CPXCR1: variants seen among roughly 807,000 people sequenced by gnomAD.
CPXCR1 encodes the protein CPX chromosome region candidate 1.
CPXCR1 carries 15 observed loss-of-function variants against 13.8 expected under a neutral mutation model. That is an observed-to-expected ratio of 1.09 (90% CI 0.73 to 1.67). The LOEUF is 1.67. Among genes scored for constraint, CPXCR1 ranks in the 40% most tolerant of loss-of-function variants. CPXCR1 has a pLI of 0.00. For synonymous variants in CPXCR1, 70 were observed against 76.7 expected (o/e 0.91, Z 0.46); for missense variants, 247 against 223.6 (o/e 1.10, Z -0.67).
rs756027448 is a variant in CPXCR1, at chrX:88,748,251, T to TTG, written c.-115+898_-115+899dup. Reference sequence around the variant, plus strand: ...TTTCTGTATAACAAACAGTGAAATGTTGTGTGTGTGTGTGTGTATACATAC... The same window carrying TTG: ...TTTCTGTATAACAAACAGTGAAATGTTGTGTGTGTGTGTGTGTGTATACATAC... On this transcript the variant is annotated intron_variant, in intron 1 of 2. Coordinates refer to ENST00000276127, the MANE Select transcript of CPXCR1 (RefSeq NM_033048.6). Among the ~76,000 whole-genome samples the TTG allele has an allele frequency of 4.5e-3, 485 of 108,795 alleles. 1 individual carries two copies. The highest frequency in any genetic ancestry group is 0.013 in the African/African-American group (399 of 30,162). 94.5% of individuals were successfully genotyped at this position (108,795 alleles called of 115,157 possible).
chrX:88,747,917 T>C (rs1299020165), intron 1 of CPXCR1, among the ~76,000 whole-genome samples: 7 of 112,073 alleles, frequency 6.2e-5, no homozygotes, highest in Non-Finnish European at 1.3e-4. Flanking sequence ...ATAAATAGAA[T>C]ACAAATAAAC....
chrX:88,749,856 C>A (rs964588970), intron 2 of CPXCR1, among the ~76,000 whole-genome samples: 3 of 107,624 alleles, frequency 2.8e-5, no homozygotes, highest in East Asian at 5.8e-4. Context: ...GACAAAGATA[C>A]GAGATAAACT....
chrX:88,754,246 T>A lies in CPXCR1; in HGVS notation c.832T>A (p.Cys278Ser). The A allele has an allele frequency of 8.4e-7, 1 of 1,183,727 alleles. No individual in the cohort carries two copies. The highest frequency in any genetic ancestry group is 1.1e-6 in the Non-Finnish European group (1 of 875,949). Residue 278 changes from cysteine (C) to serine (S), a missense_variant, in exon 3 of 3, where the codon TGT (cysteine) becomes AGT (serine). Physicochemically the swap from Cys to Ser is moderately radical, Grantham distance 112 (BLOSUM62 -1). Transcript: ENST00000276127. ...CACCAATAATGGTTGGAAATACTTT[T>A]GTCCCATCTGTGGAAGGCTTTTTAA... Reference protein sequence around the residue: ...TNTNNGWKYFCPICGRLFNTY... With the variant: ...TNTNNGWKYFSPICGRLFNTY...
At chrX:88,747,612 G>A (rs1168556620) in intron 1 of CPXCR1, among the ~76,000 whole-genome samples, 1 of 111,549 alleles carries the variant, frequency 9.0e-6, no homozygotes, top group Non-Finnish European at 1.9e-5. Context: ...TAACAAATTT[G>A]AAAGAAACAG....
rs1925013382 is a variant in CPXCR1, at chrX:88,754,212, G to T, written c.798G>T (p.Met266Ile). 1 of 1,185,524 alleles carries T rather than the reference G, an allele frequency of 8.4e-7. No homozygotes were observed. Among genetic ancestry groups the T allele is most frequent in the African/African-American group, 1.8e-5 (1 of 56,615 alleles). Residue 266 changes from methionine (M) to isoleucine (I), a missense_variant, in exon 3 of 3, where the codon ATG (methionine) becomes ATT (isoleucine). Coordinates refer to ENST00000276127, the MANE Select transcript of CPXCR1 (RefSeq NM_033048.6). ...CATATATCCATACCATGAATGTTAT[G>T]ATCACAAACACCAATAATGGTTGGA... ...ILTYIHTMNV[M>I]ITNTNNGWKY...
At position 88,749,328 on chromosome X, in the gene CPXCR1, A is replaced by G. The variant is rs766608858; in HGVS notation, c.-104A>G. ...TTTATTTGTTTTCAGGGTGCATCTGACAAGCCTTAGATGACCTCCAGCAAC... is the reference window on the plus strand; with the variant it reads ...TTTATTTGTTTTCAGGGTGCATCTGGCAAGCCTTAGATGACCTCCAGCAAC... On this transcript the variant is annotated 5_prime_UTR_variant, in exon 2 of 3. Transcript: ENST00000276127. 1 of 109,732 alleles carries G rather than the reference A, an allele frequency of 9.1e-6. No homozygotes were observed. The highest frequency in any genetic ancestry group is 2.9e-4 in the East Asian group (1 of 3,424). 9.0% of individuals were successfully genotyped at this position (109,732 alleles called of 1,213,427 possible).
intron 2 of CPXCR1, among the ~76,000 whole-genome samples, chrX:88,751,285 G>T (rs1924911502): frequency 9.0e-6 from 1 of 111,690 alleles, no homozygotes; most frequent in South Asian, 3.7e-4. Context: ...GTTCTCATTG[G>T]TTTCAAAGAA....
chrX:88,750,605 A>G (rs1359687498), intron 2 of CPXCR1, among the ~76,000 whole-genome samples: 2 of 111,914 alleles, frequency 1.8e-5, no homozygotes, highest in African/African-American at 6.5e-5. Flanking sequence ...GTTAGGGAGG[A>G]GTCCCTCTCT....
intron 1 of CPXCR1, 97 bp downstream of exon 1, chrX:88,747,466 G>A (rs1206793258): frequency 1.8e-5 from 2 of 112,283 alleles, no homozygotes; most frequent in Non-Finnish European, 3.8e-5. Context: ...TGTTGATGTA[G>A]ATCTTATTCT....
chrX:88,752,061 G>A (rs1352738566), intron 2 of CPXCR1, among the ~76,000 whole-genome samples: 3 of 111,834 alleles, frequency 2.7e-5, no homozygotes, highest in African/African-American at 6.5e-5. Context: ...ACTTGCATTC[G>A]CCTTTCTCCA....
chrX:88,753,655 C>A lies in CPXCR1; in HGVS notation c.241C>A (p.Arg81=). ...ELETEIQKDQ[R]EEDLKEELLL... ...CGAAACAGAGATCCAAAAAGATCAACGAGAAGAAGATCTAAAAGAAGAGCT... is the reference window on the plus strand; with the variant it reads ...CGAAACAGAGATCCAAAAAGATCAAAGAGAAGAAGATCTAAAAGAAGAGCT... Residue 81 remains arginine (R), a synonymous_variant, in exon 3 of 3, where the codon CGA becomes AGA. Coordinates refer to ENST00000276127, the MANE Select transcript of CPXCR1 (RefSeq NM_033048.6). 8.3e-7 allele frequency: 1 copy of A among 1,208,430 alleles called. No individual in the cohort carries two copies.
At chrX:88,750,363 G>A (rs184068794) in intron 2 of CPXCR1, among the ~76,000 whole-genome samples, 121 of 111,810 alleles carry the variant, frequency 1.1e-3, no homozygotes, top group Non-Finnish European at 4.3e-4. Flanking sequence ...CTGTTTATAT[G>A]ATGGATTATG....
At position 88,754,528 on chromosome X, in the gene CPXCR1, T is replaced by C. The variant is rs758203561; in HGVS notation, c.*208T>C. The C allele has an allele frequency of 1.3e-4, 41 of 325,550 alleles. No homozygotes were observed. The South Asian group carries it at 4.1e-3, about 33-fold the overall frequency. 26.8% of individuals were successfully genotyped at this position (325,550 alleles called of 1,213,427 possible). ...ATACTTTGCTTTTACAAGTACATCA[T>C]TGAAATATCAGACCTGTCATCTATA... is the stretch of plus-strand genomic sequence containing the variant. On this transcript the variant is annotated 3_prime_UTR_variant, in exon 3 of 3. Coordinates refer to ENST00000276127, the MANE Select transcript of CPXCR1 (RefSeq NM_033048.6).
In CPXCR1 at chrX:88,754,006, A is replaced by G. The variant is rs369632679; in HGVS notation, c.592A>G (p.Arg198Gly). 7.4e-6 allele frequency: 9 copies of G among 1,208,371 alleles called. No homozygotes were observed. The African/African-American group carries it at 1.4e-4, about 19-fold the overall frequency. ...THHERAITFR[R>G]PSRVHYYRPL... ...TCACGAGAGAGCCATAACATTTAGA[A>G]GGCCTTCGAGGGTGCACTACTACCG... The change falls in exon 3 of 3, where the codon AGG (arginine) becomes GGG (glycine). Residue 198 changes from arginine (R) to glycine (G), a missense_variant. Physicochemically the swap from Arg to Gly is moderately radical, Grantham distance 125. Transcript: ENST00000276127.
chrX:88,749,502 A>G (rs1467597419), intron 2 of CPXCR1, 79 bp downstream of exon 2: 1 of 110,524 alleles, frequency 9.0e-6, no homozygotes, highest in Non-Finnish European at 1.9e-5. Flanking sequence ...CTAACTGCTG[A>G]TGCTGAGATG....
chrX:88,748,072 C>A (rs767338911), intron 1 of CPXCR1, among the ~76,000 whole-genome samples: 1 of 110,790 alleles, frequency 9.0e-6, no homozygotes, highest in African/African-American at 3.3e-5. Flanking sequence ...AAAACACAAC[C>A]CTGGTATTTA....
chrX:88,749,920 T>C (rs1291965833), intron 2 of CPXCR1, among the ~76,000 whole-genome samples: 1 of 109,009 alleles, frequency 9.2e-6, no homozygotes, highest in Non-Finnish European at 1.9e-5. Context: ...TTTTGCACAC[T>C]GATTTTGTAT....
In CPXCR1 at chrX:88,753,786, C is replaced by A; in HGVS notation, c.372C>A (p.Phe124Leu). Residue 124 changes from phenylalanine (F) to leucine (L), a missense_variant, in exon 3 of 3, where the codon TTC (phenylalanine) becomes TTA (leucine). By Grantham distance (22) the Phe-to-Leu change is conservative (BLOSUM62 0). Transcript: ENST00000276127. ...AAGTTGAGATGAAAGCAAACAATTT[C>A]CCCATAAATCACAAAACTCGTTTTC... ...SGKVEMKANNFPINHKTRFRL... is the reference protein window; with the variant it reads ...SGKVEMKANNLPINHKTRFRL... 8.3e-7 allele frequency: 1 copy of A among 1,209,362 alleles called. No homozygotes were observed. Among genetic ancestry groups the A allele is most frequent in the Non-Finnish European group, 1.1e-6 (1 of 894,047 alleles).
At chrX:88,752,481 T>C (rs1244257190) in intron 2 of CPXCR1, among the ~76,000 whole-genome samples, 2 of 111,248 alleles carry the variant, frequency 1.8e-5, no homozygotes, top group Non-Finnish European at 3.8e-5. Context: ...CGATTCACAA[T>C]TGCACCTCTT....
Sources: allele counts gnomAD v4.1 joint callset (sites outside exome capture counted in the v4.1 genomes callset), GRCh38; gene constraint gnomAD v4.1.1; transcripts MANE v1.5; gene names NCBI Gene and HGNC (gene_info 2026-07-23, HGNC 2026-07-21).